The following ERICH6B variants were observed in gnomAD, a reference collection of about 807,000 sequenced individuals.
ERICH6B encodes the protein glutamate rich 6B, also known as glutamate-rich protein 6B.
ERICH6B carries 69 observed loss-of-function variants against 80.0 expected under a neutral mutation model. The ratio of observed to expected loss-of-function variants is 0.86; its 90% CI spans 0.71 to 1.05. ERICH6B has a LOEUF of 1.05. Ranked by LOEUF, ERICH6B falls within the 50% of genes least tolerant of loss-of-function variation. The pLI, the probability that ERICH6B is intolerant of heterozygous loss-of-function variation, is 0.00. For missense variants in ERICH6B, 754 were observed against 796.1 expected (o/e 0.95, Z 0.64); for synonymous variants, 283 against 291.9 (o/e 0.97, Z 0.31).
chr13:45,557,920 T>C (rs1459338592), intron 11 of ERICH6B, among the ~76,000 whole-genome samples: 1 of 150,886 alleles, frequency 6.6e-6, no homozygotes, highest in Non-Finnish European at 1.5e-5. Context: ...GTGGGCTCTT[T>C]TTTCATTCCA....
rs1449001748 is a variant in ERICH6B, at chr13:45,544,721, AC to A, written c.1872+38del. ...AGCAGTGGCCTTTGTACAGGTGGGC[AC>A]CCCACCTGGTGGAGGGTATGGGGAG... On this transcript the variant is annotated intron_variant, in intron 14 of 14. Transcript: ENST00000298738. The A allele has an allele frequency of 2.0e-6, 3 of 1,515,764 alleles. No homozygotes were observed. The South Asian group carries it at 3.6e-5, about 18-fold the overall frequency. The allele number at this position is 1,515,764 out of a possible 1,614,324, so 93.9% of individuals were successfully genotyped here.
chr13:45,550,104 C>A, intron 12 of ERICH6B, 59 bp from the exon 13 acceptor site: 1 of 1,543,768 alleles, frequency 6.5e-7, no homozygotes, highest in East Asian at 2.4e-5. Flanking sequence ...AAAGGTAGGG[C>A]CCTGCAGATG....
At chr13:45,550,373 C>T in intron 11 of ERICH6B, 57 bp from the exon 12 acceptor site, 2 of 1,417,106 alleles carry the variant, frequency 1.4e-6, no homozygotes, top group South Asian at 2.5e-5. Flanking sequence ...TACCAACTGT[C>T]CTACTGCAGA....
chr13:45,544,832 G>A lies in ERICH6B; in HGVS notation c.1800C>T (p.Ser600=), dbSNP rs1049386422. The change falls in exon 14 of 15, where the codon AGC becomes AGT. Residue 600 remains serine, a synonymous_variant. Transcript: ENST00000298738. ...TGAAGCAGAAGATGATCTTATCCTG[G>A]CTCCTTATTTGTACCTGGATGTACT... is the stretch of plus-strand genomic sequence containing the variant. The part of the protein sequence containing the change: ...INEYIQVQIR[S]QDKIIFCFTY... 1.9e-6 allele frequency: 3 copies of A among 1,551,568 alleles called. No individual in the cohort carries two copies. In the African/African-American group the frequency reaches 4.1e-5, roughly 21 times the overall value.
At chr13:45,606,600 C>CCA (rs1217029964) in intron 2 of ERICH6B, among the ~76,000 whole-genome samples, 1 of 131,708 alleles carries the variant, frequency 7.6e-6, no homozygotes, top group Non-Finnish European at 1.5e-5. Flanking sequence ...GTCACCCAGG[C>CCA]CAGAGTGCAG....
In ERICH6B at chr13:45,597,049, C is replaced by G; in HGVS notation, c.-44G>C. The stretch of plus-strand genomic sequence containing the variant: ...GGTGAACTCCTTCTGCAGCAGCCAA[C>G]GTCACTTTATTATCCTGTATCCAAG... On this transcript the variant is annotated 5_prime_UTR_variant, in exon 3 of 15. Coordinates refer to ENST00000298738, the MANE Select transcript of ERICH6B (RefSeq NM_182542.3). 1 of 1,494,246 alleles carries G rather than the reference C, an allele frequency of 6.7e-7. No homozygotes were observed. The highest frequency in any genetic ancestry group is 8.9e-7 in the Non-Finnish European group (1 of 1,119,280). The allele number at this position is 1,494,246 out of a possible 1,614,324, so 92.6% of individuals were successfully genotyped here. A position where few individuals can be genotyped will look rare whatever the true frequency, so the allele number is the denominator to read the frequency against.
intron 4 of ERICH6B, 86 bp from the exon 5 acceptor site, chr13:45,587,318 G>T: frequency 8.0e-7 from 1 of 1,256,214 alleles, no homozygotes; most frequent in Non-Finnish European, 1.1e-6. Flanking sequence ...GGTTGAGGGG[G>T]TGCTCTTGAT....
chr13:45,598,215 C>G (rs1346958547), intron 2 of ERICH6B, among the ~76,000 whole-genome samples: 1 of 151,962 alleles, frequency 6.6e-6, no homozygotes, highest in Non-Finnish European at 1.5e-5. Flanking sequence ...CAATTTTTTT[C>G]TTCCATTAGG....
At chr13:45,583,974 C>T (rs1315777499) in intron 5 of ERICH6B, among the ~76,000 whole-genome samples, 1 of 152,230 alleles carries the variant, frequency 6.6e-6, no homozygotes, top group Non-Finnish European at 1.5e-5. Flanking sequence ...CACAATGTCT[C>T]TATGTGTACG....
At chr13:45,555,693 A>C (rs1874409147) in intron 11 of ERICH6B, among the ~76,000 whole-genome samples, 1 of 152,106 alleles carries the variant, frequency 6.6e-6, no homozygotes, top group Non-Finnish European at 1.5e-5. Context: ...CAGATCCCCG[A>C]GATGCACTTT....
chr13:45,586,550 A>C (rs143790872), intron 5 of ERICH6B, among the ~76,000 whole-genome samples: 12 of 152,254 alleles, frequency 7.9e-5, no homozygotes, highest in African/African-American at 2.9e-4. Flanking sequence ...TGTAGCCACG[A>C]AAGTTCACTA....
chr13:45,602,865 T>C (rs1401085558), intron 2 of ERICH6B, among the ~76,000 whole-genome samples: 1 of 152,196 alleles, frequency 6.6e-6, no homozygotes, highest in Non-Finnish European at 1.5e-5. Context: ...TTCTATACCA[T>C]TCAGGGTTCT....
intron 8 of ERICH6B, among the ~76,000 whole-genome samples, chr13:45,573,095 T>A (rs1320428558): frequency 1.3e-5 from 2 of 152,162 alleles, no homozygotes; most frequent in Non-Finnish European, 2.9e-5. Context: ...TAGAAATTTA[T>A]TCTTTACATA....
intron 1 of ERICH6B, among the ~76,000 whole-genome samples, chr13:45,608,314 A>G (rs1016123341): frequency 6.6e-6 from 1 of 152,162 alleles, no homozygotes; most frequent in Non-Finnish European, 1.5e-5. Context: ...CTTATTGGAG[A>G]TGGCATTTGC....
chr13:45,594,903 C>T (rs74886007), intron 3 of ERICH6B, among the ~76,000 whole-genome samples: 2 of 152,162 alleles, frequency 1.3e-5, no homozygotes, highest in South Asian at 2.1e-4. Context: ...CATGCAGTCA[C>T]GACATCAAGA....
At chr13:45,554,170 A>G (rs77169442) in intron 11 of ERICH6B, among the ~76,000 whole-genome samples, 1,669 of 152,196 alleles carry the variant, frequency 0.011, 18 homozygotes, top group Non-Finnish European at 0.016. Context: ...ACTCTGTTCT[A>G]TGAGTTTGGT....
chr13:45,579,006 C>T lies in ERICH6B; in HGVS notation c.961+927G>A, dbSNP rs141789235. ...TGGAGGCTGCTGTGAGCTGTTCTCA[C>T]GCCACTGGGCAAGAGAGTGAGACCC... On this transcript the variant is annotated intron_variant, in intron 7 of 14. Transcript: ENST00000298738. Among the ~76,000 whole-genome samples, 1,381 of 152,274 alleles carry T rather than the reference C, an allele frequency of 9.1e-3. 26 individuals are homozygous for T. The highest frequency in any genetic ancestry group is 0.03 in the African/African-American group (1,228 of 41,546).
At chr13:45,575,931 G>A (rs1294151499) in intron 7 of ERICH6B, among the ~76,000 whole-genome samples, 1 of 152,156 alleles carries the variant, frequency 6.6e-6, no homozygotes. Flanking sequence ...GAAAATGATG[G>A]TGGCTGATTG....
intron 11 of ERICH6B, among the ~76,000 whole-genome samples, chr13:45,555,274 C>T (rs1874390187): frequency 2.6e-5 from 4 of 152,168 alleles, no homozygotes; most frequent in Non-Finnish European, 4.4e-5. Context: ...GGGCTTCCAA[C>T]GCCCTTACCA....
Sources: gnomAD v4.1 joint callset for allele counts (sites outside exome capture counted in the v4.1 genomes callset) on GRCh38, gnomAD v4.1.1 for gene constraint, MANE v1.5 for transcripts, NCBI Gene and HGNC (gene_info 2026-07-23, HGNC 2026-07-21) for gene names.